Variants in OR5A2 observed in about 807,000 individuals in gnomAD.
The protein encoded by OR5A2 is olfactory receptor 5A2.
For synonymous variants in OR5A2, 155 were observed against 151.1 expected (o/e 1.03, Z -0.19); for missense variants, 406 against 398.9 (o/e 1.02, Z -0.15).
Position 59,426,280 on chromosome 11 carries a change from C to T in OR5A2, c.-201G>A, listed in dbSNP as rs1268982513. ...CAAACCAGATCATCTGCATTTCCCA[C>T]TGCTCCATGGCTGGTTTCTCGTTCC... is the stretch of plus-strand genomic sequence containing the variant. On this transcript the variant is annotated 5_prime_UTR_variant, in exon 1 of 2. In the 5' UTR this introduces an upstream ATG that the reference lacks. Transcript: ENST00000302040. 2.0e-5 allele frequency: 3 copies of T among 152,246 alleles called. No homozygotes were observed. The highest frequency in any genetic ancestry group is 2.4e-5 in the African/African-American group (1 of 41,466). The allele number at this position is 152,246 out of a possible 1,614,324, so 9.4% of individuals were successfully genotyped here. A position where few individuals can be genotyped will look rare whatever the true frequency, so the allele number is the denominator to read the frequency against.
chr11:59,419,988 T>C lies in OR5A2; in HGVS notation c.*1991A>G, dbSNP rs914658886. The C allele has an allele frequency of 1.3e-5, 2 of 152,286 alleles. No homozygotes were observed. Among genetic ancestry groups the C allele is most frequent in the African/African-American group, 4.8e-5 (2 of 41,568 alleles). 9.4% of individuals were successfully genotyped at this position (152,286 alleles called of 1,614,324 possible). Reference sequence around the variant, plus strand: ...CTTTGCAAGGCAATTTCAAGGTATGTCAAGGAAATATATTTTTGTGTAAAA... The same window carrying C: ...CTTTGCAAGGCAATTTCAAGGTATGCCAAGGAAATATATTTTTGTGTAAAA... On this transcript the variant is annotated 3_prime_UTR_variant, in exon 2 of 2. Transcript: ENST00000302040.
chr11:59,420,072 T>C lies in OR5A2; in HGVS notation c.*1907A>G, dbSNP rs2198451. 114,795 of 152,052 alleles carry C rather than the reference T, an allele frequency of 0.75. 43,460 individuals are homozygous for C. The highest frequency in any genetic ancestry group is 0.81 in the East Asian group (4,170 of 5,144). 9.4% of individuals were successfully genotyped at this position (152,052 alleles called of 1,614,324 possible). ...AGATTGTAAAGTAAGTCACTGTATA[T>C]GGTGTTAAATAAAACCCATCTAATG... On this transcript the variant is annotated 3_prime_UTR_variant, in exon 2 of 2. Coordinates refer to ENST00000302040, the MANE Select transcript of OR5A2 (RefSeq NM_001001954.2).
At position 59,421,871 on chromosome 11, in the gene OR5A2, G is replaced by A; in HGVS notation, c.*108C>T. The stretch of plus-strand genomic sequence containing the variant: ...AGGCAAACTATTAGTGAAATCTTAA[G>A]CAGGAGGGAAAAAAGCCTGATTCCC... On this transcript the variant is annotated 3_prime_UTR_variant, in exon 2 of 2. Transcript: ENST00000302040. 1 of 1,220,886 alleles carries A rather than the reference G, an allele frequency of 8.2e-7. No homozygotes were observed. Among genetic ancestry groups the A allele is most frequent in the Non-Finnish European group, 1.1e-6 (1 of 882,074 alleles). The allele number at this position is 1,220,886 out of a possible 1,614,324, so 75.6% of individuals were successfully genotyped here. A position where few individuals can be genotyped will look rare whatever the true frequency, so the allele number is the denominator to read the frequency against.
chr11:59,422,665 C>T lies in OR5A2; in HGVS notation c.289G>A (p.Gly97Ser), dbSNP rs1436167497. The change falls in exon 2 of 2, where the codon GGC (glycine) becomes AGC (serine). Residue 97 changes from glycine (G) to serine (S), a missense_variant. Transcript: ENST00000302040. ...ITEQKTISFV[G>S]CATQYFVFCG... ...AAGACAAAGTACTGAGTGGCACAGC[C>T]AACAAAGGAAATGGTTTTCTGCTCT... The T allele has an allele frequency of 1.2e-6, 2 of 1,614,144 alleles. No individual in the cohort carries two copies. Among genetic ancestry groups the T allele is most frequent in the Non-Finnish European group, 1.7e-6 (2 of 1,180,026 alleles).
rs1246291149 is a variant in OR5A2, at chr11:59,419,100, T to G, written c.*2879A>C. 6.6e-6 allele frequency: 1 copy of G among 152,134 alleles called. No homozygotes were observed. Among genetic ancestry groups the G allele is most frequent in the Non-Finnish European group, 1.5e-5 (1 of 68,030 alleles). 9.4% of individuals were successfully genotyped at this position (152,134 alleles called of 1,614,324 possible). On this transcript the variant is annotated 3_prime_UTR_variant, in exon 2 of 2. Transcript: ENST00000302040. Reference sequence around the variant, plus strand: ...GAGGCATCCAGGTAGCTGATAGAGTTGGCAAAATGGCCACAGCTGTGAACC... The same window carrying G: ...GAGGCATCCAGGTAGCTGATAGAGTGGGCAAAATGGCCACAGCTGTGAACC...
In OR5A2 at chr11:59,419,021, G is replaced by C. The variant is rs908797818; in HGVS notation, c.*2958C>G. On this transcript the variant is annotated 3_prime_UTR_variant, in exon 2 of 2. Transcript: ENST00000302040. ...TGAAGGATAGGAGCTTGGTGAGTTA[G>C]AGTACAGGTCAAGAATGGTGGAGGA... 1.3e-5 allele frequency: 2 copies of C among 152,052 alleles called. No individual in the cohort carries two copies. The highest frequency in any genetic ancestry group is 3.9e-4 in the East Asian group (2 of 5,174). 9.4% of individuals were successfully genotyped at this position (152,052 alleles called of 1,614,324 possible).
chr11:59,418,223 G>C lies in OR5A2; in HGVS notation c.*3756C>G, dbSNP rs1858180265. ...TGATCCACTTTATCAGCTTTGCTGT[G>C]ATCCCTTTCTCTCCAAATAGACTTT... On this transcript the variant is annotated 3_prime_UTR_variant, in exon 2 of 2. Coordinates refer to ENST00000302040, the MANE Select transcript of OR5A2 (RefSeq NM_001001954.2). 1 of 152,088 alleles carries C rather than the reference G, an allele frequency of 6.6e-6. No homozygotes were observed. The highest frequency in any genetic ancestry group is 1.5e-5 in the Non-Finnish European group (1 of 68,004). The allele number at this position is 152,088 out of a possible 1,614,324, so 9.4% of individuals were successfully genotyped here.
Position 59,419,415 on chromosome 11 carries a change from A to G in OR5A2, c.*2564T>C, listed in dbSNP as rs531954797. 1 of 152,266 alleles carries G rather than the reference A, an allele frequency of 6.6e-6. No homozygotes were observed. Among genetic ancestry groups the G allele is most frequent in the South Asian group, 2.1e-4 (1 of 4,832 alleles). The allele number at this position is 152,266 out of a possible 1,614,324, so 9.4% of individuals were successfully genotyped here. A position where few individuals can be genotyped will look rare whatever the true frequency, so the allele number is the denominator to read the frequency against. ...ATATTCTCACTTAATTGTTGTATCA[A>G]TTTTATGGGGTATGTTGACAAAAAG... On this transcript the variant is annotated 3_prime_UTR_variant, in exon 2 of 2. Coordinates refer to ENST00000302040, the MANE Select transcript of OR5A2 (RefSeq NM_001001954.2).
rs150394868 is a variant in OR5A2, at chr11:59,422,102, G to C, written c.852C>G (p.Pro284=). The C allele has an allele frequency of 8.7e-6, 14 of 1,613,916 alleles. No individual in the cohort carries two copies. Among genetic ancestry groups the C allele is most frequent in the Non-Finnish European group, 1.2e-5 (14 of 1,180,004 alleles). The change falls in exon 2 of 2, where the codon CCC becomes CCG. Residue 284 remains proline (P), a synonymous_variant. Coordinates refer to ENST00000302040, the MANE Select transcript of OR5A2 (RefSeq NM_001001954.2). ...AACTGTAGATGATGGGATTCACCAC[G>C]GGGATCACCAAGGCATAGAATATGG... ...VVSIFYALVI[P]VVNPIIYSFR...
rs1319011358 is a variant in OR5A2, at chr11:59,420,479, A to G, written c.*1500T>C. On this transcript the variant is annotated 3_prime_UTR_variant, in exon 2 of 2. Coordinates refer to ENST00000302040, the MANE Select transcript of OR5A2 (RefSeq NM_001001954.2). ...ACCTCTGGGACATTTTCTATTCACA[A>G]TGCAGTATTCTAAGTATTTACATGT... 2 of 152,184 alleles carry G rather than the reference A, an allele frequency of 1.3e-5. No homozygotes were observed. Among genetic ancestry groups the G allele is most frequent in the African/African-American group, 4.8e-5 (2 of 41,456 alleles). The allele number at this position is 152,184 out of a possible 1,614,324, so 9.4% of individuals were successfully genotyped here. A position where few individuals can be genotyped will look rare whatever the true frequency, so the allele number is the denominator to read the frequency against.
Position 59,422,441 on chromosome 11 carries a change from C to T in OR5A2, c.513G>A (p.Gly171=), listed in dbSNP as rs1269125162. Residue 171 remains glycine, a synonymous_variant, in exon 2 of 2, where the codon GGG becomes GGA. Transcript: ENST00000302040. ...AGAAAAAGTGGTTGATCATATAGGG[C>T]CCACAGAAATCATGCTGATAGACAG... is the stretch of plus-strand genomic sequence containing the variant. ...TYSVYQHDFC[G]PYMINHFFCD... The T allele has an allele frequency of 6.2e-7, 1 of 1,614,080 alleles. No homozygotes were observed. The highest frequency in any genetic ancestry group is 1.3e-5 in the African/African-American group (1 of 75,006).
Position 59,418,057 on chromosome 11 carries a change from T to G in OR5A2, c.*3922A>C, listed in dbSNP as rs1351165502. 1 of 152,112 alleles carries G rather than the reference T, an allele frequency of 6.6e-6. No individual in the cohort carries two copies. Among genetic ancestry groups the G allele is most frequent in the Non-Finnish European group, 1.5e-5 (1 of 68,004 alleles). 9.4% of individuals were successfully genotyped at this position (152,112 alleles called of 1,614,324 possible). A position where few individuals can be genotyped will look rare whatever the true frequency, so the allele number is the denominator to read the frequency against. On this transcript the variant is annotated 3_prime_UTR_variant, in exon 2 of 2. Transcript: ENST00000302040. The stretch of plus-strand genomic sequence containing the variant: ...ACCAAAAGTAGGAAAAGCTGTAAGT[T>G]CATCAATCTATAAATATTGATTAGA...
rs1342841574 is a variant in OR5A2, at chr11:59,417,240, C to T, written c.*4739G>A. The T allele has an allele frequency of 6.6e-6, 1 of 151,988 alleles. No individual in the cohort carries two copies. Among genetic ancestry groups the T allele is most frequent in the Non-Finnish European group, 1.5e-5 (1 of 67,960 alleles). 9.4% of individuals were successfully genotyped at this position (151,988 alleles called of 1,614,324 possible). The stretch of plus-strand genomic sequence containing the variant: ...GGTTAGTCTCTTCAACTAGATACTG[C>T]CAGCCATTTGGTCTGGCAATTCTGA... On this transcript the variant is annotated 3_prime_UTR_variant, in exon 2 of 2. Coordinates refer to ENST00000302040, the MANE Select transcript of OR5A2 (RefSeq NM_001001954.2).
At position 59,422,822 on chromosome 11, in the gene OR5A2, T is replaced by C. The variant is rs778534358; in HGVS notation, c.132A>G (p.Leu44=). The change falls in exon 2 of 2, where the codon TTA becomes TTG. Residue 44 remains leucine, a synonymous_variant. Transcript: ENST00000302040. ...CCATCTTAATGAGGGCAATGAGGCT[T>C]AAGTTCCAGGCCAACGTCAGGAGGT... The part of the protein sequence containing the change: ...GLYLLTLAWN[L]SLIALIKMDS... The C allele has an allele frequency of 6.2e-7, 1 of 1,614,102 alleles. No individual in the cohort carries two copies. Among genetic ancestry groups the C allele is most frequent in the South Asian group, 1.1e-5 (1 of 91,078 alleles).
chr11:59,424,741 C>A (rs1858274185), intron 1 of OR5A2: 1 of 152,010 alleles, frequency 6.6e-6, no homozygotes, highest in Non-Finnish European at 1.5e-5. Context: ...ATGTTTGCAC[C>A]CAATGGTAAC....
In OR5A2 at chr11:59,419,789, CAGA is replaced by C. The variant is rs747755390; in HGVS notation, c.*2187_*2189del. On this transcript the variant is annotated 3_prime_UTR_variant, in exon 2 of 2. Coordinates refer to ENST00000302040, the MANE Select transcript of OR5A2 (RefSeq NM_001001954.2). ...ATTGTGGAGACCAAGTTTTATTGTG[CAGA>C]AGAAGCTCTCAGACAGCAGACTTCA... 2.0e-5 allele frequency: 3 copies of C among 152,018 alleles called. No homozygotes were observed. The highest frequency in any genetic ancestry group is 4.4e-5 in the Non-Finnish European group (3 of 68,008). 9.4% of individuals were successfully genotyped at this position (152,018 alleles called of 1,614,324 possible).
At chr11:59,424,769 T>G (rs1370756555) in intron 1 of OR5A2, 1 of 152,232 alleles carries the variant, frequency 6.6e-6, no homozygotes, top group Non-Finnish European at 1.5e-5. Flanking sequence ...CTGTGTCACT[T>G]ATCATATTAA....
Position 59,423,020 on chromosome 11 carries a change from T to G in OR5A2, c.-67A>C, listed in dbSNP as rs1217459199. ...AATCCTGTGGTCAGCTAGATTTTGT[T>G]TGTTATTGTAAGAGTGGGTATTTCC... On this transcript the variant is annotated 5_prime_UTR_variant, in exon 2 of 2. Transcript: ENST00000302040. The G allele has an allele frequency of 2.0e-6, 3 of 1,488,350 alleles. No individual in the cohort carries two copies. The highest frequency in any genetic ancestry group is 1.4e-5 in the African/African-American group (1 of 71,188). The allele number at this position is 1,488,350 out of a possible 1,614,324, so 92.2% of individuals were successfully genotyped here.
At chr11:59,423,930 G>A (rs1858263665) in intron 1 of OR5A2, 1 of 152,228 alleles carries the variant, frequency 6.6e-6, no homozygotes, top group Non-Finnish European at 1.5e-5. Context: ...AGAACAAACA[G>A]CAATCAATAT....
Sources: gnomAD v4.1 joint callset for allele counts on GRCh38, gnomAD v4.1.1 for gene constraint, MANE v1.5 for transcripts, NCBI Gene and HGNC (gene_info 2026-07-23, HGNC 2026-07-21) for gene names.